The following L3MBTL3 variants were observed in gnomAD, a reference collection of about 807,000 sequenced individuals.
The protein encoded by L3MBTL3 is lethal(3)malignant brain tumor-like protein 3.
In L3MBTL3, 27 loss-of-function variants were observed where a neutral mutation model predicts 102.3. The ratio of observed to expected loss-of-function variants is 0.26; its 90% confidence interval spans 0.19 to 0.36. L3MBTL3 has a LOEUF of 0.36. Ranked by LOEUF, L3MBTL3 falls within the 10% of genes least tolerant of loss-of-function variation. The probability of loss-of-function intolerance (pLI) is 1.00; values close to 1 mark genes in which losing one functional copy is unlikely to be tolerated. For synonymous variants in L3MBTL3, 340 were observed against 320.9 expected (o/e 1.06, Z -0.64); for missense variants, 798 against 955.3 (o/e 0.84, Z 2.17).
chr6:130,019,659 G>T (rs1040556524), intron 1 of L3MBTL3, among the ~76,000 whole-genome samples: 2 of 151,382 alleles, frequency 1.3e-5, no homozygotes, highest in Non-Finnish European at 3.0e-5. Context: ...CCGCGGCGGG[G>T]CTCGGCGGCC....
intron 2 of L3MBTL3, among the ~76,000 whole-genome samples, chr6:130,039,367 T>C (rs1181784051): frequency 6.6e-6 from 1 of 152,160 alleles, no homozygotes; most frequent in African/African-American, 2.4e-5. Flanking sequence ...CAATTTGGCA[T>C]TCATACTTTC....
chr6:130,033,831 C>T (rs533875446), intron 2 of L3MBTL3, among the ~76,000 whole-genome samples: 1 of 152,338 alleles, frequency 6.6e-6, no homozygotes, highest in African/African-American at 2.4e-5. Flanking sequence ...AACTATTTAA[C>T]TGGTCTTGAT....
At chr6:130,114,022 A>C (rs1785509208) in intron 19 of L3MBTL3, among the ~76,000 whole-genome samples, 1 of 152,198 alleles carries the variant, frequency 6.6e-6, no homozygotes, top group Non-Finnish European at 1.5e-5. Context: ...AATATCGGCG[A>C]AAGTAATTTC....
intron 9 of L3MBTL3, among the ~76,000 whole-genome samples, chr6:130,059,409 G>A (rs567895701): frequency 1.2e-4 from 18 of 151,982 alleles, no homozygotes; most frequent in Non-Finnish European, 2.2e-4. Flanking sequence ...TTCTTTTATA[G>A]CAATACATAG....
At chr6:130,022,861 T>C (rs1365226380) in intron 2 of L3MBTL3, among the ~76,000 whole-genome samples, 25 of 152,202 alleles carry the variant, frequency 1.6e-4, no homozygotes, top group Admixed American at 1.5e-3. Flanking sequence ...TTGTCAACTT[T>C]TGAACATACT....
At chr6:130,092,395 T>C (rs1448561686) in intron 16 of L3MBTL3, among the ~76,000 whole-genome samples, 1 of 152,034 alleles carries the variant, frequency 6.6e-6, no homozygotes, top group Non-Finnish European at 1.5e-5. Context: ...TTTAACTCCT[T>C]CTGCATATTT....
chr6:130,044,490 T>G (rs1780611835), intron 3 of L3MBTL3, among the ~76,000 whole-genome samples: 1 of 152,220 alleles, frequency 6.6e-6, no homozygotes, highest in South Asian at 2.1e-4. Context: ...CTAAGAAATC[T>G]GTATTGCTTT....
rs1562243023 is a variant in L3MBTL3 at position 130,022,326 on chromosome 6, T to C, written c.-16+21T>C. ...GAAAGGTAAGACCCACTTGTTGAAATAAATTGCTTGACATACCTGCAAATG... is the reference window on the plus strand; with the variant it reads ...GAAAGGTAAGACCCACTTGTTGAAACAAATTGCTTGACATACCTGCAAATG... On this transcript the variant is annotated intron_variant, in intron 2 of 22. Transcript: ENST00000361794. The C allele has an allele frequency of 2.0e-5, 3 of 152,204 alleles. No individual in the cohort carries two copies. The East Asian group carries it at 5.8e-4, about 29-fold the overall frequency. The allele number at this position is 152,204 out of a possible 1,614,324, so 9.4% of individuals were successfully genotyped here.
intron 14 of L3MBTL3, among the ~76,000 whole-genome samples, chr6:130,081,712 A>C (rs1783367665): frequency 6.6e-6 from 1 of 151,998 alleles, no homozygotes; most frequent in Non-Finnish European, 1.5e-5. Context: ...GGCGTGAGCC[A>C]CCGCACCCGG....
chr6:130,045,861 G>A (rs1274419193), intron 3 of L3MBTL3, among the ~76,000 whole-genome samples: 2 of 152,188 alleles, frequency 1.3e-5, no homozygotes, highest in Admixed American at 6.5e-5. Context: ...GGTACAGAGT[G>A]TTAAGGGAGA....
intron 19 of L3MBTL3, among the ~76,000 whole-genome samples, chr6:130,111,403 C>T (rs1785338848): frequency 6.6e-6 from 1 of 152,174 alleles, no homozygotes. Flanking sequence ...TGCCACACAG[C>T]AGGCCAAGCA....
chr6:130,116,950 TTTA>T (rs1785733774), intron 19 of L3MBTL3, among the ~76,000 whole-genome samples: 2 of 132,856 alleles, frequency 1.5e-5, no homozygotes, highest in Non-Finnish European at 3.1e-5. Flanking sequence ...CCTCTTATTT[TTTA>T]TTTATTTATT....
intron 5 of L3MBTL3, 88 bp downstream of exon 5, chr6:130,049,918 A>G (rs1007225741): frequency 8.8e-6 from 13 of 1,478,908 alleles, no homozygotes; most frequent in East Asian, 2.4e-5. Context: ...TCCCTAACCC[A>G]TATTTCAGTT....
intron 13 of L3MBTL3, among the ~76,000 whole-genome samples, chr6:130,076,905 ATAT>A (rs1278197387): frequency 2.0e-5 from 3 of 152,142 alleles, no homozygotes; most frequent in Admixed American, 6.6e-5. Flanking sequence ...CAATATCTAG[ATAT>A]TATTTAAACT....
chr6:130,139,641 C>G lies in L3MBTL3; in HGVS notation c.2231C>G (p.Thr744Ser). 1 of 1,613,102 alleles carries G rather than the reference C, an allele frequency of 6.2e-7. No homozygotes were observed. The highest frequency in any genetic ancestry group is 8.5e-7 in the Non-Finnish European group (1 of 1,179,290). Residue 744 changes from threonine (T) to serine (S), a missense_variant, in exon 23 of 23, where the codon ACT becomes AGT. Transcript: ENST00000361794. ...GATGGAGAAGCATTTCTACTTATGA[C>G]TCAAACAGACATTGTTAAAATTATG... ...QIDGEAFLLMTQTDIVKIMSI... is the reference protein window; with the variant it reads ...QIDGEAFLLMSQTDIVKIMSI...
At chr6:130,048,270 C>T (rs1780850281) in intron 3 of L3MBTL3, among the ~76,000 whole-genome samples, 1 of 152,200 alleles carries the variant, frequency 6.6e-6, no homozygotes, top group Non-Finnish European at 1.5e-5. Context: ...AGATCTGAAA[C>T]ATCTTACTAT....
chr6:130,116,921 ATTTTTTTTAT>A (rs924895698), intron 19 of L3MBTL3, among the ~76,000 whole-genome samples: 12 of 50,810 alleles, frequency 2.4e-4, no homozygotes, highest in Middle Eastern at 0.014. Context: ...TGTCATTTTT[ATTTTTTTTAT>A]TTTTTTTTCC....
Position 130,066,286 on chromosome 6 carries a change from G to GTATATATATATATATATATATATA in L3MBTL3, c.865-50_865-49insATATATATATATATATATATATAT, listed in dbSNP as rs148263906. ...GCCTGGTGTCCATGTTTATTTTTGT[G>GTATATATATATATATATATATATA]TATATATATATATATATGAATATTC... On this transcript the variant is annotated intron_variant, in intron 10 of 22. Transcript: ENST00000361794. 7.7e-4 allele frequency: 298 copies of GTATATATATATATATATATATATA among 387,590 alleles called. 3 individuals are homozygous for GTATATATATATATATATATATATA. Among genetic ancestry groups the GTATATATATATATATATATATATA allele is most frequent in the African/African-American group, 3.8e-3 (186 of 48,538 alleles). 24.0% of individuals were successfully genotyped at this position (387,590 alleles called of 1,614,324 possible). A position where few individuals can be genotyped will look rare whatever the true frequency, so the allele number is the denominator to read the frequency against.
chr6:130,024,951 AAT>A, intron 2 of L3MBTL3, among the ~76,000 whole-genome samples: 1 of 152,272 alleles, frequency 6.6e-6, no homozygotes, highest in East Asian at 1.9e-4. Flanking sequence ...CATATCATCC[AAT>A]ACACATGGCA....
Sources: gnomAD v4.1 joint callset for allele counts (sites outside exome capture counted in the v4.1 genomes callset) on GRCh38, gnomAD v4.1.1 for gene constraint, MANE v1.5 for transcripts, NCBI Gene and HGNC (gene_info 2026-07-23, HGNC 2026-07-21) for gene names.